PDZRN4: variants seen among roughly 807,000 people sequenced by gnomAD.
The protein encoded by PDZRN4 is PDZ domain-containing RING finger protein 4.
Under a neutral mutation model 99.0 loss-of-function variants are expected in PDZRN4, and 70 were observed. That is an observed-to-expected ratio of 0.71 (90% confidence interval 0.58 to 0.86). The LOEUF (loss-of-function observed/expected upper bound fraction) is 0.86, where lower values mean the gene tolerates loss of function less well. PDZRN4 is among the 40% of genes least tolerant of loss of function. The probability of loss-of-function intolerance (pLI) is 0.00; values close to 1 mark genes in which losing one functional copy is unlikely to be tolerated. For missense variants in PDZRN4, 1,474 were observed against 1,331.2 expected, an observed-to-expected ratio of 1.11 and a Z score of -1.67; for synonymous variants, 551 against 501.6, an observed-to-expected ratio of 1.10 and a Z score of -1.32.
intron 3 of PDZRN4, among the ~76,000 whole-genome samples, chr12:41,265,467 A>G (rs1951269631): frequency 6.6e-6 from 1 of 152,222 alleles, no homozygotes. Context: ...GACACCAGAA[A>G]CACAGCAAGG....
chr12:41,567,120 C>T (rs534102712), intron 8 of PDZRN4, among the ~76,000 whole-genome samples: 1 of 152,198 alleles, frequency 6.6e-6, no homozygotes, highest in East Asian at 1.9e-4. Context: ...TTAAATGTCG[C>T]ATCCACTGAG....
chr12:41,224,827 A>G (rs1054066154), intron 3 of PDZRN4, among the ~76,000 whole-genome samples: 1 of 152,188 alleles, frequency 6.6e-6, no homozygotes, highest in African/African-American at 2.4e-5. Context: ...TGAGGAAATG[A>G]ACACTTTAAG....
At chr12:41,297,077 C>T (rs1951500237) in intron 3 of PDZRN4, among the ~76,000 whole-genome samples, 1 of 152,158 alleles carries the variant, frequency 6.6e-6, no homozygotes, top group South Asian at 2.1e-4. Context: ...TAGGGATGAA[C>T]TAAACGGCTG....
chr12:41,233,902 C>A (rs1347137161), intron 3 of PDZRN4, among the ~76,000 whole-genome samples: 3 of 151,630 alleles, frequency 2.0e-5, no homozygotes, highest in African/African-American at 7.3e-5. Context: ...AACAAGCCTG[C>A]ATGTTGTGCA....
rs575220555 is a variant in PDZRN4, at chr12:41,546,759, G to A, written c.1204-5897G>A. On this transcript the variant is annotated intron_variant, in intron 5 of 9. Coordinates refer to ENST00000402685, the MANE Select transcript of PDZRN4 (RefSeq NM_001164595.2). ...GAGAAGGGGAAGGGTCAACAGGTTC[G>A]AGCTCTAGCGAGAGAACAAAAGTGC... is the stretch of plus-strand genomic sequence containing the variant. 6.9e-4 allele frequency among the ~76,000 whole-genome samples: 105 copies of A among 152,326 alleles called. 1 individual carries two copies. Among genetic ancestry groups the A allele is most frequent in the African/African-American group, 2.5e-3 (103 of 41,586 alleles).
chr12:41,394,838 G>A (rs1193481389), intron 3 of PDZRN4, among the ~76,000 whole-genome samples: 1 of 150,096 alleles, frequency 6.7e-6, no homozygotes, highest in Non-Finnish European at 1.5e-5. Flanking sequence ...AAGAGAGGGC[G>A]AGAGAGAGAG....
intron 3 of PDZRN4, among the ~76,000 whole-genome samples, chr12:41,381,910 G>A (rs1333495101): frequency 4.6e-5 from 7 of 152,140 alleles, no homozygotes; most frequent in Non-Finnish European, 1.5e-5. Flanking sequence ...CTTCTGGATG[G>A]GCCAGCTGGT....
chr12:41,492,058 G>C (rs970179980), intron 3 of PDZRN4, among the ~76,000 whole-genome samples: 2 of 152,208 alleles, frequency 1.3e-5, no homozygotes, highest in African/African-American at 4.8e-5. Flanking sequence ...TCAAGCACTT[G>C]CATCAGATGC....
At chr12:41,209,851 G>A (rs1288609677) in intron 3 of PDZRN4, among the ~76,000 whole-genome samples, 1 of 149,352 alleles carries the variant, frequency 6.7e-6, no homozygotes, top group Admixed American at 6.7e-5. Context: ...TAGTCCTTTG[G>A]GTATATACCC....
chr12:41,197,918 G>GTTTTTTTTTTTTGTTTTGTTTT (rs1491129322), intron 3 of PDZRN4, among the ~76,000 whole-genome samples: 2 of 114,568 alleles, frequency 1.7e-5, no homozygotes, highest in East Asian at 5.3e-4. Context: ...TGTTTTTTCT[G>GTTTTTTTTTTTTGTTTTGTTTT]GGTTTTTTTT....
chr12:41,474,594 G>C (rs1038532096), intron 3 of PDZRN4, among the ~76,000 whole-genome samples: 2 of 152,204 alleles, frequency 1.3e-5, no homozygotes, highest in Non-Finnish European at 2.9e-5. Flanking sequence ...TCTAATAGCT[G>C]TGAAACTGGG....
intron 3 of PDZRN4, among the ~76,000 whole-genome samples, chr12:41,304,385 T>C (rs1951556464): frequency 6.6e-6 from 1 of 152,196 alleles, no homozygotes; most frequent in African/African-American, 2.4e-5. Flanking sequence ...GATTTAGTGC[T>C]TATCTCAAAG....
At chr12:41,394,073 T>C (rs1233152368) in intron 3 of PDZRN4, among the ~76,000 whole-genome samples, 2 of 152,122 alleles carry the variant, frequency 1.3e-5, no homozygotes, top group African/African-American at 4.8e-5. Context: ...GAGATCAGAG[T>C]GCAAACATGA....
At chr12:41,425,502 G>GT (rs1952528105) in intron 3 of PDZRN4, among the ~76,000 whole-genome samples, 1 of 151,956 alleles carries the variant, frequency 6.6e-6, no homozygotes, top group South Asian at 2.1e-4. Flanking sequence ...TGGTGTTCCT[G>GT]TACAGAATTT....
Position 41,362,405 on chromosome 12 carries a change from ACT to A in PDZRN4, c.844-144048_844-144047del, listed in dbSNP as rs1303014338. Among the ~76,000 whole-genome samples, 6 of 151,182 alleles carry A rather than the reference ACT, an allele frequency of 4.0e-5. No individual in the cohort carries two copies. The East Asian group carries it at 7.9e-4, about 20-fold the overall frequency. The stretch of plus-strand genomic sequence containing the variant: ...GATTAAAAATAATAATTTTTAAAAA[ACT>A]CTTCAAATATAAGAACCTTATATCA... On this transcript the variant is annotated intron_variant, in intron 3 of 9. Transcript: ENST00000402685.
At chr12:41,447,812 A>G (rs1262104923) in intron 3 of PDZRN4, among the ~76,000 whole-genome samples, 1 of 152,088 alleles carries the variant, frequency 6.6e-6, no homozygotes, top group Non-Finnish European at 1.5e-5. Flanking sequence ...CAAATGTCCC[A>G]TTTCATATTT....
chr12:41,547,880 C>T (rs1047629037), intron 5 of PDZRN4, among the ~76,000 whole-genome samples: 11 of 152,168 alleles, frequency 7.2e-5, no homozygotes, highest in African/African-American at 2.7e-4. Context: ...CAGTGAGAAG[C>T]AGCCAACCTG....
intron 3 of PDZRN4, among the ~76,000 whole-genome samples, chr12:41,296,935 G>A (rs1951499035): frequency 6.6e-6 from 1 of 152,148 alleles, no homozygotes; most frequent in Non-Finnish European, 1.5e-5. Context: ...TCCAGCCTGG[G>A]CAAGAGAGCA....
intron 3 of PDZRN4, among the ~76,000 whole-genome samples, chr12:41,362,424 C>T (rs1344160077): frequency 7.5e-6 from 1 of 132,704 alleles, no homozygotes; most frequent in African/African-American, 2.7e-5. Flanking sequence ...ATATAAGAAC[C>T]TTATATCAAA....
Sources: gnomAD v4.1 joint callset for allele counts (sites outside exome capture counted in the v4.1 genomes callset) on GRCh38, gnomAD v4.1.1 for gene constraint, MANE v1.5 for transcripts, NCBI Gene and HGNC (gene_info 2026-07-23, HGNC 2026-07-21) for gene names.